SYT2: variants seen among roughly 807,000 people sequenced by gnomAD.
The protein encoded by SYT2 is synaptotagmin-2.
SYT2 carries 15 observed loss-of-function variants against 39.9 expected under a neutral mutation model. That is an observed-to-expected ratio of 0.38 (90% CI 0.25 to 0.58). SYT2 has a LOEUF of 0.58. Ranked by LOEUF, SYT2 falls within the 20% of genes least tolerant of loss-of-function variation. SYT2 has a pLI of 0.70. For synonymous variants in SYT2, 181 were observed against 204.5 expected (o/e 0.89, Z 0.98); for missense variants, 389 against 530.3 (o/e 0.73, Z 2.62).
chr1:202,621,638 T>C (rs1162763143), intron 1 of SYT2, among the ~76,000 whole-genome samples: 1 of 152,054 alleles, frequency 6.6e-6, no homozygotes. Flanking sequence ...AATGAGTGGG[T>C]TTGTGTAGCT....
rs1444299581 is a variant in SYT2, at chr1:202,596,789, C to G, written c.1228G>C (p.Glu410Gln). 6.2e-7 allele frequency: 1 copy of G among 1,614,136 alleles called. No homozygotes were observed. The highest frequency in any genetic ancestry group is 1.6e-4 in the Middle Eastern group (1 of 6,062). The change falls in exon 9 of 9, where the codon GAG (glutamate) becomes CAG (glutamine). Residue 410 changes from glutamate (E) to glutamine (Q), a missense_variant. By Grantham distance (29) the Glu-to-Gln change is conservative. Around this residue, in one of 4 missense-constraint regions of SYT2, gnomAD observed 84 missense variants for 123.1 expected, o/e 0.68. Coordinates refer to ENST00000367268, the MANE Select transcript of SYT2 (RefSeq NM_177402.5). ...AQWHSLKPEEEVDALLGKNK is the reference protein window; with the variant it reads ...AQWHSLKPEEQVDALLGKNK ...TTCTTGCCCAGGAGTGCATCCACCT[C>G]CTCCTCAGGCTTGAGCGAGTGCCAC...
chr1:202,667,583 C>A (rs1692504933), intron 1 of SYT2, among the ~76,000 whole-genome samples: 1 of 150,786 alleles, frequency 6.6e-6, no homozygotes, highest in Admixed American at 6.6e-5. Flanking sequence ...TCTAAATAAA[C>A]CACATTGGTA....
intron 1 of SYT2, among the ~76,000 whole-genome samples, chr1:202,665,296 G>A (rs1370261732): frequency 6.6e-6 from 1 of 152,212 alleles, no homozygotes; most frequent in Non-Finnish European, 1.5e-5. Context: ...TGTTTAGGGA[G>A]AGGATGAACC....
intron 1 of SYT2, among the ~76,000 whole-genome samples, chr1:202,667,799 G>C (rs1299465805): frequency 6.6e-6 from 1 of 152,000 alleles, no homozygotes; most frequent in African/African-American, 2.4e-5. Flanking sequence ...TGCAACCTCT[G>C]CCTCCCGGGT....
intron 1 of SYT2, among the ~76,000 whole-genome samples, chr1:202,671,568 C>G (rs4084927): frequency 0.53 from 81,021 of 152,172 alleles, 23,949 homozygotes; most frequent in East Asian, 0.77. Flanking sequence ...GGCATTTGTC[C>G]CTCAGGAGGA....
intron 1 of SYT2, among the ~76,000 whole-genome samples, chr1:202,620,819 C>T (rs138776350): frequency 2.0e-5 from 3 of 152,156 alleles, no homozygotes; most frequent in Non-Finnish European, 2.9e-5. Flanking sequence ...CACTCACACT[C>T]ACACTCTCAG....
rs1252291521 is a variant in SYT2 at position 202,594,420 on chromosome 1, AG to A, written c.*2336del. The A allele has an allele frequency of 6.6e-6, 1 of 152,234 alleles. No individual in the cohort carries two copies. Among genetic ancestry groups the A allele is most frequent in the Non-Finnish European group, 1.5e-5 (1 of 68,044 alleles). 9.4% of individuals were successfully genotyped at this position (152,234 alleles called of 1,614,324 possible). ...GGAAAGGGCAAAGGAGTAAAGGTAG[AG>A]GGGATATTGACAAGGGGGTCTCCAT... On this transcript the variant is annotated 3_prime_UTR_variant, in exon 9 of 9. Transcript: ENST00000367268.
intron 1 of SYT2, among the ~76,000 whole-genome samples, chr1:202,673,731 C>T (rs1653236500): frequency 6.6e-6 from 1 of 152,240 alleles, no homozygotes; most frequent in African/African-American, 2.4e-5. Context: ...ACTCTGTTCC[C>T]ATGGCTGTCT....
chr1:202,703,202 T>C (rs970852798), intron 1 of SYT2, among the ~76,000 whole-genome samples: 2 of 151,980 alleles, frequency 1.3e-5, no homozygotes, highest in East Asian at 1.9e-4. Context: ...GGGGAAGGCA[T>C]TTCTGGTCTG....
At chr1:202,641,288 C>A (rs571544542) in intron 1 of SYT2, among the ~76,000 whole-genome samples, 9 of 152,312 alleles carry the variant, frequency 5.9e-5, no homozygotes, top group African/African-American at 2.2e-4. Flanking sequence ...ATTGGGAATT[C>A]CTGGAGACCA....
chr1:202,636,474 G>A, intron 1 of SYT2: 1 of 867,516 alleles, frequency 1.2e-6, no homozygotes, highest in Non-Finnish European at 1.4e-6. Flanking sequence ...CATCTTGGGA[G>A]AAGTGAGAAA....
Position 202,687,522 on chromosome 1 carries a change from T to A in SYT2, c.-18+22736A>T, listed in dbSNP as rs1572679888. On this transcript the variant is annotated intron_variant, in intron 1 of 8. Coordinates refer to ENST00000367268, the MANE Select transcript of SYT2 (RefSeq NM_177402.5). ...TTCAGCTGAGCGTGACAACTGCGTG[T>A]CTGTCAGACAGAAGAGGCACCTCTG... 2.6e-5 allele frequency among the ~76,000 whole-genome samples: 4 copies of A among 152,152 alleles called. No homozygotes were observed. The South Asian group carries it at 8.3e-4, about 32-fold the overall frequency.
In SYT2 at chr1:202,682,903, TAAG is replaced by T. The variant is rs1193360356; in HGVS notation, c.-18+27352_-18+27354del. On this transcript the variant is annotated intron_variant, in intron 1 of 8. Transcript: ENST00000367268. ...GGTGGCAATCATGCCCACAAATCAA[TAAG>T]AAGAAGATGACCTAGTAGAAACATG... 3.9e-5 allele frequency among the ~76,000 whole-genome samples: 6 copies of T among 151,972 alleles called. No homozygotes were observed. In the East Asian group the frequency reaches 7.7e-4, roughly 19 times the overall value.
At chr1:202,647,766 G>A (rs1039826636) in intron 1 of SYT2, among the ~76,000 whole-genome samples, 2 of 151,860 alleles carry the variant, frequency 1.3e-5, no homozygotes, top group African/African-American at 4.8e-5. Context: ...TCTAAATCCT[G>A]CAGTCACTAC....
Position 202,593,062 on chromosome 1 carries a change from T to TGAGAAAGGGCCCC in SYT2, c.*3682_*3694dup, listed in dbSNP as rs1340523174. 6.6e-6 allele frequency: 1 copy of TGAGAAAGGGCCCC among 152,230 alleles called. No individual in the cohort carries two copies. The highest frequency in any genetic ancestry group is 1.5e-5 in the Non-Finnish European group (1 of 68,060). 9.4% of individuals were successfully genotyped at this position (152,230 alleles called of 1,614,324 possible). On this transcript the variant is annotated 3_prime_UTR_variant, in exon 9 of 9. Coordinates refer to ENST00000367268, the MANE Select transcript of SYT2 (RefSeq NM_177402.5). Reference sequence around the variant, plus strand: ...CCCTGCCTGCCACCACCCAGGGCTCTGAGAAAGGGCCCCAAACAGCTTTAG... The same window carrying TGAGAAAGGGCCCC: ...CCCTGCCTGCCACCACCCAGGGCTCTGAGAAAGGGCCCCGAGAAAGGGCCCCAAACAGCTTTAG...
intron 1 of SYT2, among the ~76,000 whole-genome samples, chr1:202,633,480 C>G (rs1691653216): frequency 6.6e-6 from 1 of 152,122 alleles, no homozygotes; most frequent in Non-Finnish European, 1.5e-5. Flanking sequence ...GGTGGGTCCT[C>G]CCCTCTCCCC....
At chr1:202,675,696 A>G (rs1653347648) in intron 1 of SYT2, among the ~76,000 whole-genome samples, 1 of 152,196 alleles carries the variant, frequency 6.6e-6, no homozygotes, top group African/African-American at 2.4e-5. Flanking sequence ...GATTTCTCAC[A>G]TGATCTGCTG....
chr1:202,639,001 G>T (rs926319703), intron 1 of SYT2, among the ~76,000 whole-genome samples: 1 of 152,152 alleles, frequency 6.6e-6, no homozygotes, highest in African/African-American at 2.4e-5. Flanking sequence ...CTGTCTTTTG[G>T]TCTGTTGTCT....
In SYT2 at chr1:202,626,401, T is replaced by TTTTTTTTTTTG. The variant is rs1314910372; in HGVS notation, c.-17-20613_-17-20612insCAAAAAAAAAA. Among the ~76,000 whole-genome samples the TTTTTTTTTTTG allele has an allele frequency of 7.7e-5, 10 of 130,148 alleles. 1 individual carries two copies. The East Asian group carries it at 2.2e-3, about 29-fold the overall frequency. 85.4% of individuals were successfully genotyped at this position (130,148 alleles called of 152,430 possible). On this transcript the variant is annotated intron_variant, in intron 1 of 8. Transcript: ENST00000367268. ...ATCTCCCAAGACAGCCTCTCAGCTT[T>TTTTTTTTTTTG]TTTTTTTTTTTTTTTTTTTTTTTTT...
Sources: allele counts gnomAD v4.1 joint callset (sites outside exome capture counted in the v4.1 genomes callset), GRCh38; gene constraint gnomAD v4.1.1; regional missense constraint gnomAD v4.1.1; transcripts MANE v1.5; gene names NCBI Gene and HGNC (gene_info 2026-07-23, HGNC 2026-07-21).